Variants in TLN2 observed in about 807,000 individuals in gnomAD.
TLN2 encodes the protein talin 2.
In TLN2, 118 loss-of-function variants were observed where a neutral mutation model predicts 294.7. The observed-to-expected ratio is 0.40, with a 90% CI of 0.34 to 0.47. The LOEUF is 0.47. Among genes scored for constraint, TLN2 ranks in the 20% least tolerant of loss-of-function variants. The probability of loss-of-function intolerance (pLI) is 0.84; values close to 1 mark genes in which losing one functional copy is unlikely to be tolerated. For synonymous variants in TLN2, 1,431 were observed against 1,304.5 expected (o/e 1.10, Z -2.09); for missense variants, 3,083 against 3,282.2 (o/e 0.94, Z 1.48).
chr15:62,410,912 A>G (rs1029552175), intron 1 of TLN2, among the ~76,000 whole-genome samples: 1 of 152,170 alleles, frequency 6.6e-6, no homozygotes, highest in African/African-American at 2.4e-5. Flanking sequence ...CGCATAGTGT[A>G]TCTTGTAAAT....
chr15:62,675,806 A>G lies in TLN2; in HGVS notation c.957+485A>G, dbSNP rs143851774. Among the ~76,000 whole-genome samples, 419 of 152,310 alleles carry G rather than the reference A, an allele frequency of 2.8e-3. 4 individuals carry two copies. The highest frequency in any genetic ancestry group is 9.8e-3 in the African/African-American group (408 of 41,570). On this transcript the variant is annotated intron_variant, in intron 11 of 58. Coordinates refer to ENST00000636159, the MANE Select transcript of TLN2 (RefSeq NM_015059.3). ...ATTGTCTGTTTTCCTACTAGAGGAAAAGAGGCGTGTTTTTGAAATTGTACC... is the reference window on the plus strand; with the variant it reads ...ATTGTCTGTTTTCCTACTAGAGGAAGAGAGGCGTGTTTTTGAAATTGTACC...
chr15:62,464,486 T>C (rs945174603), intron 1 of TLN2, among the ~76,000 whole-genome samples: 12 of 152,006 alleles, frequency 7.9e-5, no homozygotes, highest in Admixed American at 3.3e-4. Context: ...GATGAGTTGA[T>C]GAGTGCAGCA....
At chr15:62,438,916 T>G (rs561071247) in intron 1 of TLN2, among the ~76,000 whole-genome samples, 21 of 152,382 alleles carry the variant, frequency 1.4e-4, no homozygotes, top group Admixed American at 3.3e-4. Flanking sequence ...TCATACTTCC[T>G]ACTCTTAATT....
At chr15:62,581,027 G>A (rs1406238613) in intron 1 of TLN2, among the ~76,000 whole-genome samples, 4 of 151,962 alleles carry the variant, frequency 2.6e-5, no homozygotes, top group Admixed American at 1.3e-4. Context: ...GGGATTACAG[G>A]CGCCCACCAC....
At chr15:62,727,652 G>A (rs1049073878) in intron 28 of TLN2, among the ~76,000 whole-genome samples, 1 of 152,354 alleles carries the variant, frequency 6.6e-6, no homozygotes, top group African/African-American at 2.4e-5. Flanking sequence ...GCAGAACCCT[G>A]TGGGGTGAGG....
At chr15:62,412,313 T>G (rs1281594205) in intron 1 of TLN2, among the ~76,000 whole-genome samples, 1 of 152,206 alleles carries the variant, frequency 6.6e-6, no homozygotes, top group African/African-American at 2.4e-5. Context: ...CAAGGGCTGA[T>G]AACCTTTTTG....
At chr15:62,743,927 T>G (rs76987702) in intron 32 of TLN2, among the ~76,000 whole-genome samples, 11,855 of 152,180 alleles carry the variant, frequency 0.078, 755 homozygotes, top group Admixed American at 0.21. Flanking sequence ...GGCTCCCCTT[T>G]GGTCTGAGGT....
intron 1 of TLN2, among the ~76,000 whole-genome samples, chr15:62,508,319 C>T (rs1008099385): frequency 2.6e-5 from 4 of 152,084 alleles, no homozygotes; most frequent in Non-Finnish European, 4.4e-5. Flanking sequence ...CGGGTTCAAG[C>T]GATTCTCCTG....
chr15:62,811,828 A>G (rs2066703369), intron 52 of TLN2, among the ~76,000 whole-genome samples: 1 of 151,982 alleles, frequency 6.6e-6, no homozygotes, highest in Non-Finnish European at 1.5e-5. Context: ...CCTGGCCAAC[A>G]CTGTGAAACT....
At chr15:62,570,903 C>CTGTGTGTGTGTGTGTGTGTGTGTGTG (rs58523803) in intron 1 of TLN2, among the ~76,000 whole-genome samples, 4 of 143,834 alleles carry the variant, frequency 2.8e-5, no homozygotes, top group African/African-American at 5.1e-5. Flanking sequence ...GCACAGGCAT[C>CTGTGTGTGTGTGTGTGTGTGTGTGTG]TGTGTGTGTG....
chr15:62,623,970 C>G (rs1009984489), intron 3 of TLN2, among the ~76,000 whole-genome samples: 1 of 152,078 alleles, frequency 6.6e-6, no homozygotes, highest in Non-Finnish European at 1.5e-5. Context: ...TTTTCCTTTG[C>G]TGTCAATCAC....
intron 2 of TLN2, among the ~76,000 whole-genome samples, chr15:62,590,000 GGTTTTTGTTTTTGTTTTT>G (rs56773746): frequency 3.7e-4 from 56 of 150,920 alleles, no homozygotes; most frequent in Non-Finnish European, 7.2e-4. Context: ...TGAGTAGCTG[GGTTTTTGTTTTTGTTTTT>G]GTTTTTGTTT....
chr15:62,709,216 G>T (rs2059265749), intron 21 of TLN2, among the ~76,000 whole-genome samples: 1 of 152,232 alleles, frequency 6.6e-6, no homozygotes, highest in African/African-American at 2.4e-5. Context: ...CACCGGGGTG[G>T]TCAGGAGGGA....
At chr15:62,808,702 G>A (rs990143450) in intron 51 of TLN2, among the ~76,000 whole-genome samples, 9 of 152,206 alleles carry the variant, frequency 5.9e-5, no homozygotes, top group East Asian at 1.9e-4. Context: ...TCAAACAGAC[G>A]TGGGGCCTTG....
In TLN2 at chr15:62,529,288, G is replaced by A. The variant is rs544623401; in HGVS notation, c.-237-60399G>A. ...AAAAAAAATTTTTTTTGTAGAGACC[G>A]GGTCTGTGTTGCCAGGGCTGGTCTC... On this transcript the variant is annotated intron_variant, in intron 1 of 58. Transcript: ENST00000636159. Among the ~76,000 whole-genome samples the A allele has an allele frequency of 7.2e-5, 11 of 152,114 alleles. No individual in the cohort carries two copies. The South Asian group carries it at 1.5e-3, about 20-fold the overall frequency.
At chr15:62,733,729 A>G in intron 28 of TLN2, among the ~76,000 whole-genome samples, 1 of 152,240 alleles carries the variant, frequency 6.6e-6, no homozygotes, top group East Asian at 1.9e-4. Context: ...AGACTCTGTT[A>G]CTAAGTATCA....
At chr15:62,666,490 CTT>C (rs1043851470) in intron 9 of TLN2, among the ~76,000 whole-genome samples, 48 of 152,182 alleles carry the variant, frequency 3.2e-4, no homozygotes, top group Admixed American at 8.5e-4. Context: ...TGACCTTGGA[CTT>C]CCCAGCCTCC....
Position 62,393,894 on chromosome 15 carries a change from G to A in TLN2, c.-238+3209G>A, listed in dbSNP as rs146026332. On this transcript the variant is annotated intron_variant, in intron 1 of 58. Transcript: ENST00000636159. Reference sequence around the variant, plus strand: ...GATGGAGTCTTGCTCTGTCACCTCAGCCTTCCAAGTAGCTGGGACTGCAGG... The same window carrying A: ...GATGGAGTCTTGCTCTGTCACCTCAACCTTCCAAGTAGCTGGGACTGCAGG... 2.2e-3 allele frequency among the ~76,000 whole-genome samples: 322 copies of A among 145,922 alleles called. 1 individual carries two copies. Among genetic ancestry groups the A allele is most frequent in the African/African-American group, 7.8e-3 (303 of 38,958 alleles).
chr15:62,572,827 CT>C (rs1293955849), intron 1 of TLN2, among the ~76,000 whole-genome samples: 2 of 151,814 alleles, frequency 1.3e-5, no homozygotes, highest in African/African-American at 2.4e-5. Context: ...ACCTGACCCC[CT>C]GTTGCATTTT....
Sources: gnomAD v4.1 joint callset for allele counts (sites outside exome capture counted in the v4.1 genomes callset) on GRCh38, gnomAD v4.1.1 for gene constraint, MANE v1.5 for transcripts, NCBI Gene and HGNC (gene_info 2026-07-23, HGNC 2026-07-21) for gene names.